The following OPCML variants were observed in gnomAD, a reference collection of about 807,000 sequenced individuals.
OPCML encodes opioid binding protein/cell adhesion molecule like.
In OPCML, 13 loss-of-function variants were observed where a neutral mutation model predicts 37.8. That is an observed-to-expected ratio of 0.34 (90% CI 0.22 to 0.55). The LOEUF is 0.55. Among genes scored for constraint, OPCML ranks in the 20% least tolerant of loss-of-function variants. OPCML has a pLI of 0.91. For synonymous variants in OPCML, 176 were observed against 168.8 expected (o/e 1.04, Z -0.33); for missense variants, 341 against 435.6 (o/e 0.78, Z 1.93).
At chr11:133,124,263 C>A (rs1212720585) in intron 1 of OPCML, among the ~76,000 whole-genome samples, 1 of 152,150 alleles carries the variant, frequency 6.6e-6, no homozygotes, top group East Asian at 1.9e-4. Flanking sequence ...AGCAGTCTGA[C>A]ATTTACAGTT....
At chr11:132,512,555 C>G (rs1056800633) in intron 4 of OPCML, among the ~76,000 whole-genome samples, 1 of 151,808 alleles carries the variant, frequency 6.6e-6, no homozygotes, top group Non-Finnish European at 1.5e-5. Flanking sequence ...GAATAAAACT[C>G]AAAAGGTGAG....
chr11:132,724,498 G>A (rs910037321), intron 2 of OPCML, among the ~76,000 whole-genome samples: 5 of 152,100 alleles, frequency 3.3e-5, no homozygotes, highest in Admixed American at 3.3e-4. Context: ...GTTGGAATTT[G>A]AGAAGAGATT....
At chr11:133,189,070 T>C (rs190833880) in intron 1 of OPCML, among the ~76,000 whole-genome samples, 1 of 152,262 alleles carries the variant, frequency 6.6e-6, no homozygotes, top group Admixed American at 6.5e-5. Context: ...CCCCATTCTC[T>C]CTCTGGTTAA....
At chr11:132,674,155 T>A (rs1942598925) in intron 2 of OPCML, among the ~76,000 whole-genome samples, 3 of 152,104 alleles carry the variant, frequency 2.0e-5, no homozygotes, top group Admixed American at 6.5e-5. Context: ...AAAGCAAACA[T>A]ACACTAACAG....
chr11:133,403,326 A>C (rs1242116822), intron 1 of OPCML, among the ~76,000 whole-genome samples: 2 of 152,224 alleles, frequency 1.3e-5, no homozygotes, highest in Non-Finnish European at 2.9e-5. Flanking sequence ...TGTCTTATTT[A>C]CCATTGCATC....
At chr11:132,803,242 C>T (rs966123706) in intron 2 of OPCML, among the ~76,000 whole-genome samples, 2 of 152,192 alleles carry the variant, frequency 1.3e-5, no homozygotes, top group Non-Finnish European at 2.9e-5. Context: ...TTAAATTACC[C>T]TTAGAAATAC....
chr11:133,428,843 T>A (rs1946060588), intron 1 of OPCML, among the ~76,000 whole-genome samples: 1 of 152,216 alleles, frequency 6.6e-6, no homozygotes, highest in African/African-American at 2.4e-5. Context: ...GAAGTACTTT[T>A]AAAGTTAAGC....
At chr11:133,078,552 G>T (rs1389415783) in intron 1 of OPCML, among the ~76,000 whole-genome samples, 1 of 152,142 alleles carries the variant, frequency 6.6e-6, no homozygotes, top group Non-Finnish European at 1.5e-5. Context: ...AAGGCAACAC[G>T]CTTTTGAAGT....
intron 1 of OPCML, among the ~76,000 whole-genome samples, chr11:133,462,210 T>G (rs932786425): frequency 2.6e-5 from 4 of 151,980 alleles, no homozygotes; most frequent in Non-Finnish European, 4.4e-5. Context: ...ACCAAAGATG[T>G]AAGTGTAAAA....
intron 1 of OPCML, among the ~76,000 whole-genome samples, chr11:133,288,314 G>A (rs1942361998): frequency 6.6e-6 from 1 of 152,150 alleles, no homozygotes; most frequent in Non-Finnish European, 1.5e-5. Context: ...CTGGCCTGGA[G>A]GTATTCCTGC....
chr11:133,186,838 A>C (rs1299441365), intron 1 of OPCML, among the ~76,000 whole-genome samples: 3 of 152,186 alleles, frequency 2.0e-5, no homozygotes, highest in Admixed American at 2.0e-4. Context: ...AAAGTTTTCC[A>C]GCAGAGGAGG....
chr11:132,615,177 T>C lies in OPCML; in HGVS notation c.379+41910A>G, dbSNP rs1938924529. ...AGGAGATAGCTCAAAAATAACAATT[T>C]TAAAAGAGTAAGAGGACTACTGGTT... On this transcript the variant is annotated intron_variant, in intron 3 of 7. Transcript: ENST00000524381. 2.6e-5 allele frequency among the ~76,000 whole-genome samples: 4 copies of C among 152,298 alleles called. No homozygotes were observed. The South Asian group carries it at 8.3e-4, about 32-fold the overall frequency.
intron 1 of OPCML, among the ~76,000 whole-genome samples, chr11:133,529,792 A>C (rs911857728): frequency 1.3e-5 from 2 of 152,208 alleles, no homozygotes; most frequent in Non-Finnish European, 2.9e-5. Context: ...ACAAAGAAAA[A>C]AAAGTCTAAA....
intron 1 of OPCML, among the ~76,000 whole-genome samples, chr11:133,243,638 T>A (rs1940812238): frequency 6.6e-6 from 1 of 152,168 alleles, no homozygotes; most frequent in South Asian, 2.1e-4. Flanking sequence ...AACACACGGC[T>A]CCAGTCCTCA....
chr11:133,254,086 A>G (rs529820123), intron 1 of OPCML, among the ~76,000 whole-genome samples: 45 of 152,340 alleles, frequency 3.0e-4, no homozygotes, highest in African/African-American at 7.9e-4. Context: ...AGATAAATGC[A>G]AATGTTAGAA....
At chr11:132,970,696 C>T (rs578110672) in intron 1 of OPCML, among the ~76,000 whole-genome samples, 26 of 152,234 alleles carry the variant, frequency 1.7e-4, no homozygotes, top group African/African-American at 6.0e-4. Context: ...TCCATATATA[C>T]ATTTTGGCCT....
chr11:132,600,424 C>A (rs979172619), intron 3 of OPCML, among the ~76,000 whole-genome samples: 1 of 152,188 alleles, frequency 6.6e-6, no homozygotes, highest in African/African-American at 2.4e-5. Context: ...CCAGCCTCTC[C>A]ATGTGGAGTT....
At chr11:132,612,771 G>C (rs1938736582) in intron 3 of OPCML, among the ~76,000 whole-genome samples, 1 of 152,306 alleles carries the variant, frequency 6.6e-6, no homozygotes, top group African/African-American at 2.4e-5. Flanking sequence ...CTCACAGCCA[G>C]AGCAAACGTG....
intron 2 of OPCML, among the ~76,000 whole-genome samples, chr11:132,918,943 A>ACAAAG (rs1944696669): frequency 6.6e-6 from 1 of 152,188 alleles, no homozygotes; most frequent in Non-Finnish European, 1.5e-5. Flanking sequence ...GCTTGGAAAA[A>ACAAAG]TTCAGGCCGA....
Sources: allele counts gnomAD v4.1 joint callset (sites outside exome capture counted in the v4.1 genomes callset), GRCh38; gene constraint gnomAD v4.1.1; transcripts MANE v1.5; gene names NCBI Gene and HGNC (gene_info 2026-07-23, HGNC 2026-07-21).